Variants in DPP6 observed in about 807,000 individuals in gnomAD.
DPP6 encodes dipeptidyl peptidase like 6, also known as A-type potassium channel modulatory protein DPP6.
In DPP6, 69 loss-of-function variants were observed where a neutral mutation model predicts 122.6. That is an observed-to-expected ratio of 0.56 (90% CI 0.46 to 0.69). The LOEUF (loss-of-function observed/expected upper bound fraction) is 0.69, where lower values mean the gene tolerates loss of function less well. Among genes scored for constraint, DPP6 ranks in the 30% least tolerant of loss-of-function variants. The pLI, the probability that DPP6 is intolerant of heterozygous loss-of-function variation, is 0.00. For missense variants in DPP6, 928 were observed against 1,116.9 expected, an observed-to-expected ratio of 0.83 and a Z score of 2.41; for synonymous variants, 418 against 433.1, an observed-to-expected ratio of 0.97 and a Z score of 0.43.
At chr7:154,302,252 A>G (rs1805960509) in intron 1 of DPP6, among the ~76,000 whole-genome samples, 1 of 152,110 alleles carries the variant, frequency 6.6e-6, no homozygotes, top group African/African-American at 2.4e-5. Flanking sequence ...GCTACTTTCA[A>G]AGCCTCATAG....
chr7:154,374,912 G>A (rs770577082), intron 1 of DPP6, among the ~76,000 whole-genome samples: 72 of 152,048 alleles, frequency 4.7e-4, no homozygotes, highest in Non-Finnish European at 7.9e-4. Flanking sequence ...GCGCCCGGCC[G>A]ACATTATAGT....
At chr7:154,261,347 C>T (rs557598196) in intron 1 of DPP6, among the ~76,000 whole-genome samples, 18 of 152,216 alleles carry the variant, frequency 1.2e-4, no homozygotes, top group Admixed American at 2.0e-4. Context: ...TGTAGGAGAA[C>T]GAAACTGGAT....
chr7:154,763,765 G>A (rs958173706), intron 8 of DPP6, among the ~76,000 whole-genome samples: 3 of 152,180 alleles, frequency 2.0e-5, no homozygotes, highest in East Asian at 1.9e-4. Context: ...TCAGCCTCAC[G>A]TCTGTGCTCC....
intron 1 of DPP6, among the ~76,000 whole-genome samples, chr7:154,264,281 T>A (rs1024416029): frequency 7.9e-5 from 12 of 152,250 alleles, no homozygotes; most frequent in African/African-American, 2.9e-4. Context: ...ATGCATACAA[T>A]TCATAACAAA....
At chr7:154,389,947 A>G (rs1814466704) in intron 1 of DPP6, among the ~76,000 whole-genome samples, 1 of 152,256 alleles carries the variant, frequency 6.6e-6, no homozygotes, top group South Asian at 2.1e-4. Context: ...TACTACAAAT[A>G]TGCGGGTTTG....
chr7:153,892,359 G>C (rs1012291167), intron 1 of DPP6, among the ~76,000 whole-genome samples: 2 of 152,008 alleles, frequency 1.3e-5, no homozygotes, highest in Non-Finnish European at 1.5e-5. Context: ...TGTCTCCCAG[G>C]CTGGAATGCA....
rs116145765 is a variant in DPP6, at chr7:154,708,101, G to A, written c.763-19666G>A. 9.0e-3 allele frequency among the ~76,000 whole-genome samples: 1,368 copies of A among 152,318 alleles called. 18 individuals are homozygous for A. Among genetic ancestry groups the A allele is most frequent in the African/African-American group, 0.029 (1,218 of 41,560 alleles). On this transcript the variant is annotated intron_variant, in intron 7 of 25. Coordinates refer to ENST00000377770, the MANE Select transcript of DPP6 (RefSeq NM_130797.4). ...GTATTTAGTAACTCACAGATTGAAT[G>A]TTGTGTTCCTGAAATAGAGCATTGG...
rs895359371 is a variant in DPP6, at chr7:153,887,644, T to A, written c.-40T>A. 9 of 1,612,280 alleles carry A rather than the reference T, an allele frequency of 5.6e-6. No homozygotes were observed. In the African/African-American group the frequency reaches 1.1e-4, roughly 19 times the overall value. On this transcript the variant is annotated 5_prime_UTR_variant, in exon 1 of 26. Transcript: ENST00000404039. ...TCACCAGGACAATGGATTAAGTTTC[T>A]CTTCCCTGGACCAGAAGTCGGGTTC...
intron 16 of DPP6, among the ~76,000 whole-genome samples, chr7:154,816,570 A>G (rs774782067): frequency 6.6e-6 from 1 of 151,436 alleles, no homozygotes; most frequent in African/African-American, 2.4e-5. Context: ...AGTACTTACC[A>G]TGGCATCTGA....
intron 1 of DPP6, among the ~76,000 whole-genome samples, chr7:154,115,503 C>T (rs62487174): frequency 1.3e-5 from 2 of 152,132 alleles, no homozygotes; most frequent in Non-Finnish European, 2.9e-5. Flanking sequence ...TTATAGGGCC[C>T]TGATGCAAAA....
In DPP6 at chr7:154,774,640, A is replaced by G. The variant is rs1796454648; in HGVS notation, c.1136+1698A>G. Among the ~76,000 whole-genome samples the G allele has an allele frequency of 5.9e-5, 9 of 152,344 alleles. No individual in the cohort carries two copies. The South Asian group carries it at 1.5e-3, about 25-fold the overall frequency. On this transcript the variant is annotated intron_variant, in intron 10 of 25. Coordinates refer to ENST00000377770, the MANE Select transcript of DPP6 (RefSeq NM_130797.4). ...TGCAATGTAAATTTGTAGCATGTAAATGTCACACTTTCTCATACTGCTTCT... is the reference window on the plus strand; with the variant it reads ...TGCAATGTAAATTTGTAGCATGTAAGTGTCACACTTTCTCATACTGCTTCT...
chr7:154,207,658 AG>A (rs1190113867), intron 1 of DPP6, among the ~76,000 whole-genome samples: 2 of 152,390 alleles, frequency 1.3e-5, no homozygotes, highest in Admixed American at 1.3e-4. Context: ...CTACAAAACA[AG>A]TTTGACTGTA....
intron 7 of DPP6, among the ~76,000 whole-genome samples, chr7:154,690,379 T>A (rs548659713): frequency 1.2e-4 from 18 of 151,516 alleles, no homozygotes; most frequent in Admixed American, 6.6e-4. Flanking sequence ...TGGTAAGGAG[T>A]CTTTTAGAGA....
chr7:154,453,705 A>G (rs1482160815), intron 2 of DPP6, among the ~76,000 whole-genome samples: 5 of 152,092 alleles, frequency 3.3e-5, no homozygotes, highest in Non-Finnish European at 5.9e-5. Flanking sequence ...CCTATCATTA[A>G]TCCTCTCAAG....
At chr7:154,623,630 T>G (rs1834860095) in intron 5 of DPP6, among the ~76,000 whole-genome samples, 1 of 130,796 alleles carries the variant, frequency 7.6e-6, no homozygotes, top group South Asian at 2.5e-4. Flanking sequence ...CGCGCACACA[T>G]GCGTGCACAC....
intron 3 of DPP6, among the ~76,000 whole-genome samples, chr7:154,525,105 A>G (rs1018860239): frequency 4.6e-5 from 7 of 152,196 alleles, no homozygotes; most frequent in African/African-American, 1.4e-4. Flanking sequence ...GATATTTCTG[A>G]TGCAAATTCA....
chr7:154,522,015 A>C (rs896055560), intron 3 of DPP6, among the ~76,000 whole-genome samples: 2 of 151,724 alleles, frequency 1.3e-5, no homozygotes, highest in African/African-American at 4.8e-5. Context: ...CGCAGGCTGG[A>C]GTGCAGTGGC....
chr7:154,619,422 T>C (rs1226770012), intron 5 of DPP6, among the ~76,000 whole-genome samples: 2 of 152,134 alleles, frequency 1.3e-5, no homozygotes, highest in East Asian at 3.9e-4. Flanking sequence ...GGAAAAACAA[T>C]GGAAAATTGT....
intron 1 of DPP6, chr7:153,968,698 TA>T (rs1795874469): frequency 6.6e-6 from 1 of 151,796 alleles, no homozygotes; most frequent in Non-Finnish European, 1.5e-5. Context: ...CCCACCAAAC[TA>T]ATGCCACTTC....
Sources: allele counts gnomAD v4.1 joint callset (sites outside exome capture counted in the v4.1 genomes callset), GRCh38; gene constraint gnomAD v4.1.1; transcripts MANE v1.5; gene names NCBI Gene and HGNC (gene_info 2026-07-23, HGNC 2026-07-21).